Variants in TPMT observed in about 807,000 individuals in gnomAD.
TPMT encodes the protein S-adenosyl-L-methionine:thiopurine S-methyltransferase.
Under a neutral mutation model 34.2 loss-of-function variants are expected in TPMT, and 18 were observed. The observed-to-expected ratio is 0.53, with a 90% confidence interval of 0.36 to 0.78. The LOEUF (loss-of-function observed/expected upper bound fraction) is 0.78, where lower values mean the gene tolerates loss of function less well. Among genes scored for constraint, TPMT ranks in the 30% least tolerant of loss-of-function variants. The pLI is 0.00. For missense variants in TPMT, 265 were observed against 288.1 expected, an observed-to-expected ratio of 0.92 and a Z score of 0.58; for synonymous variants, 69 against 92.4, an observed-to-expected ratio of 0.75 and a Z score of 1.45.
Position 18,128,394 on chromosome 6 carries a change from CA to C in TPMT, c.*2273del, listed in dbSNP as rs544396829. The C allele has an allele frequency of 7.2e-5, 11 of 152,304 alleles. No individual in the cohort carries two copies. The South Asian group carries it at 2.3e-3, about 32-fold the overall frequency. 9.4% of individuals were successfully genotyped at this position (152,304 alleles called of 1,614,324 possible). The stretch of plus-strand genomic sequence containing the variant: ...CTTCCATCTTGAGATTTTAGGAAGT[CA>C]GTATTCCCCAGTGAAGACACATATT... On this transcript the variant is annotated 3_prime_UTR_variant, in exon 9 of 9. Transcript: ENST00000309983. This position sits in a 1 kb window ranked among gnomAD's most constrained non-coding sequence, Gnocchi z 4.6.
Position 18,136,675 on chromosome 6 carries a change from T to G in TPMT, c.494+2288A>C, listed in dbSNP as rs1028229114. Among the ~76,000 whole-genome samples the G allele has an allele frequency of 1.3e-5, 2 of 152,072 alleles. No individual in the cohort carries two copies. The highest frequency in any genetic ancestry group is 2.9e-5 in the Non-Finnish European group (2 of 68,018). ...ATACAAAAAAATTAGCCGGGTGTGGTGGAGCATGCCTATAATCCCAGCTAC... is the reference window on the plus strand; with the variant it reads ...ATACAAAAAAATTAGCCGGGTGTGGGGGAGCATGCCTATAATCCCAGCTAC... On this transcript the variant is annotated intron_variant, in intron 6 of 8. Coordinates refer to ENST00000309983, the MANE Select transcript of TPMT (RefSeq NM_000367.5). The surrounding 1 kb of genome is among the most constrained non-coding windows in gnomAD (Gnocchi z 4.7).
chr6:18,137,743 C>G (rs923479064), intron 6 of TPMT, among the ~76,000 whole-genome samples: 2 of 152,142 alleles, frequency 1.3e-5, no homozygotes, highest in African/African-American at 4.8e-5. Flanking sequence ...CCACAAAAAT[C>G]CTTTGAGGTA....
In TPMT at chr6:18,136,781, G is replaced by T. The variant is rs887068425; in HGVS notation, c.494+2182C>A. ...GCCGAGATAGTGCCATTGCACTCCAGCCTGGGCAACAAGAGCGAAACTCTG... is the reference window on the plus strand; with the variant it reads ...GCCGAGATAGTGCCATTGCACTCCATCCTGGGCAACAAGAGCGAAACTCTG... On this transcript the variant is annotated intron_variant, in intron 6 of 8. Coordinates refer to ENST00000309983, the MANE Select transcript of TPMT (RefSeq NM_000367.5). The surrounding 1 kb of genome is among the most constrained non-coding windows in gnomAD (Gnocchi z 4.7). Among the ~76,000 whole-genome samples, 1 of 152,152 alleles carries T rather than the reference G, an allele frequency of 6.6e-6. No homozygotes were observed. The highest frequency in any genetic ancestry group is 1.5e-5 in the Non-Finnish European group (1 of 68,042).
At position 18,147,825 on chromosome 6, in the gene TPMT, T is replaced by C; in HGVS notation, c.231A>G (p.Lys77=). 3 of 1,613,550 alleles carry C rather than the reference T, an allele frequency of 1.9e-6. No individual in the cohort carries two copies. The South Asian group carries it at 3.3e-5, about 18-fold the overall frequency. ...FPLCGKAVEM[K]WFADRGHSVV... is the part of the protein sequence containing the mutation. The stretch of plus-strand genomic sequence containing the variant: ...TGTTAATGTTTATCTGCTCATACCA[T>C]TTCATCTCAACCGCTTTTCCGCAAA... Residue 77 remains lysine (K), a splice_region_variant and synonymous_variant, in exon 3 of 9, where the codon AAA becomes AAG. Coordinates refer to ENST00000309983, the MANE Select transcript of TPMT (RefSeq NM_000367.5).
intron 4 of TPMT, among the ~76,000 whole-genome samples, chr6:18,142,590 T>A (rs1784164199): frequency 6.6e-6 from 1 of 151,908 alleles, no homozygotes; most frequent in Non-Finnish European, 1.5e-5. Context: ...CTCTGCTTGT[T>A]CCCACTTGGG....
Position 18,146,655 on chromosome 6 carries a change from A to AT in TPMT, c.233+1167dup, listed in dbSNP as rs1784252945. 6.6e-6 allele frequency among the ~76,000 whole-genome samples: 1 copy of AT among 152,116 alleles called. No individual in the cohort carries two copies. Among genetic ancestry groups the AT allele is most frequent in the Non-Finnish European group, 1.5e-5 (1 of 68,012 alleles). ...ACATGACAATCTGTTTATAGAGTTA[A>AT]TTTTTTTTGAGGGTAATTTTGAAAG... On this transcript the variant is annotated intron_variant, in intron 3 of 8. Transcript: ENST00000309983. The surrounding 1 kb of genome is among the most constrained non-coding windows in gnomAD (Gnocchi z 6.2).
chr6:18,147,273 T>C (rs1441299412), intron 3 of TPMT, among the ~76,000 whole-genome samples: 1 of 152,180 alleles, frequency 6.6e-6, no homozygotes, highest in Non-Finnish European at 1.5e-5. Context: ...ATAGTAAAAG[T>C]GGCTTGTTAA....
Position 18,139,327 on chromosome 6 carries a change from A to G in TPMT, c.420-290T>C, listed in dbSNP as rs759632871. On this transcript the variant is annotated intron_variant, in intron 5 of 8. Transcript: ENST00000309983. The surrounding 1 kb of genome is among the most constrained non-coding windows in gnomAD (Gnocchi z 4.2). ...TCTGCCCCCAGCCTCTGGCTCAGGT[A>G]TCAGGGACTTTCAGGAGATGAGCTC... Among the ~76,000 whole-genome samples the G allele has an allele frequency of 6.6e-6, 1 of 152,224 alleles. No homozygotes were observed. Among genetic ancestry groups the G allele is most frequent in the South Asian group, 2.1e-4 (1 of 4,834 alleles).
rs113373916 is a variant in TPMT, at chr6:18,133,947, G to A, written c.495-58C>T. On this transcript the variant is annotated intron_variant, in intron 6 of 8. Transcript: ENST00000309983. ...TTCTCTACACAGGCAAAGGCTGGAGGGACAAAAGGCAGGGAAGGAAGCCAG... is the reference window on the plus strand; with the variant it reads ...TTCTCTACACAGGCAAAGGCTGGAGAGACAAAAGGCAGGGAAGGAAGCCAG... The A allele has an allele frequency of 1.0e-4, 145 of 1,433,206 alleles. 2 individuals are homozygous for A. In the African/African-American group the frequency reaches 1.5e-3, roughly 15 times the overall value. The allele number at this position is 1,433,206 out of a possible 1,614,324, so 88.8% of individuals were successfully genotyped here.
rs1784125170 is a variant in TPMT, at chr6:18,140,921, G to A, written c.367-1204C>T. On this transcript the variant is annotated intron_variant, in intron 4 of 8. Transcript: ENST00000309983. The surrounding 1 kb of genome is among the most constrained non-coding windows in gnomAD (Gnocchi z 4.7). ...CTGCTAGATTTTATTCTGAAATGAGGTCCCCACACAGGTTTACAAGTAGAG... is the reference window on the plus strand; with the variant it reads ...CTGCTAGATTTTATTCTGAAATGAGATCCCCACACAGGTTTACAAGTAGAG... Among the ~76,000 whole-genome samples the A allele has an allele frequency of 6.6e-6, 1 of 151,992 alleles. No individual in the cohort carries two copies. Among genetic ancestry groups the A allele is most frequent in the African/African-American group, 2.4e-5 (1 of 41,368 alleles).
In TPMT at chr6:18,132,043, C is replaced by G; in HGVS notation, c.625+90G>C. 1 of 1,447,724 alleles carries G rather than the reference C, an allele frequency of 6.9e-7. No homozygotes were observed. The highest frequency in any genetic ancestry group is 1.1e-5 in the South Asian group (1 of 87,318). The allele number at this position is 1,447,724 out of a possible 1,614,324, so 89.7% of individuals were successfully genotyped here. ...CTGCCCACCTTGGCCTCCCAAAGTGCTGGAAATACAGGCATGAGCCAGCAC... is the reference window on the plus strand; with the variant it reads ...CTGCCCACCTTGGCCTCCCAAAGTGGTGGAAATACAGGCATGAGCCAGCAC... On this transcript the variant is annotated intron_variant, in intron 8 of 8. Transcript: ENST00000309983. The surrounding 1 kb of genome is among the most constrained non-coding windows in gnomAD (Gnocchi z 4.8).
chr6:18,139,052 A>G lies in TPMT; in HGVS notation c.420-15T>C. ...CAATATTTGTCCTACCAGAAAGAGA[A>G]AAAACATTTTATGGGAGAAAAATCA... On this transcript the variant is annotated splice_polypyrimidine_tract_variant and intron_variant, in intron 5 of 8. Transcript: ENST00000309983. This position sits in a 1 kb window ranked among gnomAD's most constrained non-coding sequence, Gnocchi z 4.2. The G allele has an allele frequency of 6.2e-7, 1 of 1,611,024 alleles. No homozygotes were observed. The highest frequency in any genetic ancestry group is 2.2e-5 in the East Asian group (1 of 44,882).
chr6:18,141,089 C>T (rs574551916), intron 4 of TPMT, among the ~76,000 whole-genome samples: 32 of 152,212 alleles, frequency 2.1e-4, no homozygotes, highest in South Asian at 8.3e-4. Context: ...ATGCCAGGGC[C>T]CTACCCCTAT....
In TPMT at chr6:18,149,171, C is replaced by A. The variant is rs1784305359; in HGVS notation, c.-44G>T. ...GTCTCACAAGCATATGTCTTCCGTG[C>A]CTACGTGGAAAATATTTGCAATGTT... is the stretch of plus-strand genomic sequence containing the variant. On this transcript the variant is annotated splice_region_variant and 5_prime_UTR_variant, in exon 2 of 9. Coordinates refer to ENST00000309983, the MANE Select transcript of TPMT (RefSeq NM_000367.5). This position sits in a 1 kb window ranked among gnomAD's most constrained non-coding sequence, Gnocchi z 5.0. 6.2e-7 allele frequency: 1 copy of A among 1,612,986 alleles called. No homozygotes were observed. Among genetic ancestry groups the A allele is most frequent in the Admixed American group, 1.7e-5 (1 of 59,998 alleles).
chr6:18,144,825 A>G (rs891769631), intron 3 of TPMT, among the ~76,000 whole-genome samples: 2 of 151,362 alleles, frequency 1.3e-5, no homozygotes, highest in South Asian at 4.2e-4. Flanking sequence ...AGTTCAACCA[A>G]TTCTCCTGCC....
intron 6 of TPMT, among the ~76,000 whole-genome samples, chr6:18,137,309 T>A (rs1335589041): frequency 6.6e-6 from 1 of 152,134 alleles, no homozygotes; most frequent in Non-Finnish European, 1.5e-5. Flanking sequence ...AGCTAATTTT[T>A]GTATTTTTAT....
Position 18,138,604 on chromosome 6 carries a change from A to G in TPMT, c.494+359T>C, listed in dbSNP as rs1784086450. 6.6e-6 allele frequency among the ~76,000 whole-genome samples: 1 copy of G among 152,180 alleles called. No homozygotes were observed. The highest frequency in any genetic ancestry group is 1.5e-5 in the Non-Finnish European group (1 of 68,028). On this transcript the variant is annotated intron_variant, in intron 6 of 8. Coordinates refer to ENST00000309983, the MANE Select transcript of TPMT (RefSeq NM_000367.5). This position sits in a 1 kb window ranked among gnomAD's most constrained non-coding sequence, Gnocchi z 4.1. The stretch of plus-strand genomic sequence containing the variant: ...TTTTGAACAATACCTGGAATAGGCA[A>G]GTGACCAGTAAGTATTACCTGGTAA...
rs186980385 is a variant in TPMT, at chr6:18,132,408, A to G, written c.581-231T>C. On this transcript the variant is annotated intron_variant, in intron 7 of 8. Coordinates refer to ENST00000309983, the MANE Select transcript of TPMT (RefSeq NM_000367.5). This position sits in a 1 kb window ranked among gnomAD's most constrained non-coding sequence, Gnocchi z 4.8. Reference sequence around the variant, plus strand: ...GACAGCTAAACCGGTCAAGGGACTTAGGCTCATTGAAATCAGAGTGGATTC... The same window carrying G: ...GACAGCTAAACCGGTCAAGGGACTTGGGCTCATTGAAATCAGAGTGGATTC... Among the ~76,000 whole-genome samples the G allele has an allele frequency of 5.7e-4, 87 of 152,320 alleles. 1 individual carries two copies. Among genetic ancestry groups the G allele is most frequent in the Admixed American group, 4.8e-3 (73 of 15,308 alleles).
chr6:18,132,294 T>C lies in TPMT; in HGVS notation c.581-117A>G. On this transcript the variant is annotated intron_variant, in intron 7 of 8. Transcript: ENST00000309983. This position sits in a 1 kb window ranked among gnomAD's most constrained non-coding sequence, Gnocchi z 4.8. ...TGTGGCATGTTCTTCTCATTCTTCT[T>C]TTGCAAATCTCATACTAAAGAAATA... is the stretch of plus-strand genomic sequence containing the variant. 1 of 977,572 alleles carries C rather than the reference T, an allele frequency of 1.0e-6. No individual in the cohort carries two copies. The highest frequency in any genetic ancestry group is 1.4e-5 in the South Asian group (1 of 71,958). The allele number at this position is 977,572 out of a possible 1,614,324, so 60.6% of individuals were successfully genotyped here.
Sources: gnomAD v4.1 joint callset for allele counts (sites outside exome capture counted in the v4.1 genomes callset) on GRCh38, gnomAD v4.1.1 for gene constraint, Gnocchi (gnomAD v3.1) non-coding constraint, MANE v1.5 for transcripts, NCBI Gene and HGNC (gene_info 2026-07-23, HGNC 2026-07-21) for gene names.